COL5A1: variants seen among roughly 807,000 people sequenced by gnomAD.
COL5A1 encodes collagen alpha-1(V) chain.
COL5A1 carries 16 observed loss-of-function variants against 263.7 expected under a neutral mutation model. The ratio of observed to expected loss-of-function variants is 0.06; its 90% CI spans 0.04 to 0.09. COL5A1 has a LOEUF of 0.09. COL5A1 is among the 10% of genes least tolerant of loss of function. The pLI, the probability that COL5A1 is intolerant of heterozygous loss-of-function variation, is 1.00. For missense variants in COL5A1, 2,036 were observed against 2,540.5 expected, an observed-to-expected ratio of 0.80 and a Z score of 4.27; for synonymous variants, 1,012 against 1,004.5, an observed-to-expected ratio of 1.01 and a Z score of -0.14.
At position 134,754,662 on chromosome 9, in the gene COL5A1, G is replaced by A. The variant is rs1430038409; in HGVS notation, c.1827+336G>A. Among the ~76,000 whole-genome samples the A allele has an allele frequency of 6.6e-6, 1 of 152,226 alleles. No homozygotes were observed. Among genetic ancestry groups the A allele is most frequent in the Non-Finnish European group, 1.5e-5 (1 of 68,040 alleles). ...CAGCGGGCCTTATATATTTCGGGCA[G>A]CACTGGGACTCCAGAAATGGCCTGA... On this transcript the variant is annotated intron_variant, in intron 16 of 65. Transcript: ENST00000371817. This position sits in a 1 kb window ranked among gnomAD's most constrained non-coding sequence, Gnocchi z 4.3.
chr9:134,734,182 G>T (rs1017316631), intron 9 of COL5A1, among the ~76,000 whole-genome samples: 2 of 152,192 alleles, frequency 1.3e-5, no homozygotes, highest in African/African-American at 4.8e-5. Context: ...GTGGGCAAGG[G>T]TGGGCCAAGG....
intron 9 of COL5A1, chr9:134,732,421 G>A (rs893946299): frequency 7.1e-6 from 4 of 564,408 alleles, no homozygotes; most frequent in African/African-American, 3.8e-5. Flanking sequence ...TTTCACCTGG[G>A]ATGAAAAGCA....
At chr9:134,749,767 C>T (rs912393662) in intron 11 of COL5A1, among the ~76,000 whole-genome samples, 5 of 152,222 alleles carry the variant, frequency 3.3e-5, no homozygotes, top group African/African-American at 1.2e-4. Context: ...CAAGACAAGC[C>T]TCATCTACTT....
At chr9:134,836,893 G>A (rs575425044) in intron 65 of COL5A1, among the ~76,000 whole-genome samples, 3 of 152,356 alleles carry the variant, frequency 2.0e-5, no homozygotes, top group African/African-American at 7.2e-5. Context: ...GTTGGGGTCA[G>A]TACTTCGGAT....
At chr9:134,735,241 G>C (rs375749789) in intron 9 of COL5A1, among the ~76,000 whole-genome samples, 13 of 151,562 alleles carry the variant, frequency 8.6e-5, no homozygotes, top group African/African-American at 3.2e-4. Flanking sequence ...TGCATTGAAG[G>C]TGTGCAGCAT....
At chr9:134,732,232 C>A in intron 9 of COL5A1, 105 bp downstream of exon 9, 2 of 1,194,100 alleles carry the variant, frequency 1.7e-6, no homozygotes, top group Non-Finnish European at 2.5e-6. Flanking sequence ...TGCACCTGCG[C>A]GCACTGGGTC....
chr9:134,826,024 G>A (rs1459727789), intron 63 of COL5A1, 120 bp downstream of exon 63: 1 of 609,574 alleles, frequency 1.6e-6, no homozygotes, highest in Non-Finnish European at 3.0e-6. Flanking sequence ...AAATGAATCC[G>A]TTTCATCAGT....
At chr9:134,744,955 G>A (rs570464082) in intron 11 of COL5A1, among the ~76,000 whole-genome samples, 69 of 152,382 alleles carry the variant, frequency 4.5e-4, no homozygotes, top group Non-Finnish European at 7.5e-4. Context: ...GCACGCGTGC[G>A]CTGTCTGGGT....
intron 25 of COL5A1, 150 bp from the exon 26 acceptor site, chr9:134,772,640 C>G (rs1836901591): frequency 1.1e-6 from 1 of 902,980 alleles, no homozygotes; most frequent in South Asian, 1.3e-5. Context: ...GGCTGCCTGG[C>G]CAGCTGCCTT....
chr9:134,722,995 C>T (rs1834518253), intron 4 of COL5A1, among the ~76,000 whole-genome samples: 1 of 152,218 alleles, frequency 6.6e-6, no homozygotes, highest in Non-Finnish European at 1.5e-5. Context: ...CCCCAGTTTA[C>T]TGTGATGGGG....
intron 11 of COL5A1, among the ~76,000 whole-genome samples, chr9:134,748,672 C>T (rs1260630717): frequency 1.3e-5 from 2 of 152,314 alleles, no homozygotes; most frequent in East Asian, 1.9e-4. Context: ...GGGCAGTATC[C>T]ATTAGCAATT....
rs1417558730 is a variant in COL5A1 at position 134,730,323 on chromosome 9, T to C, written c.1012T>C (p.Tyr338His). The change falls in exon 7 of 66, where the codon TAT (tyrosine) becomes CAT (histidine). Residue 338 changes from tyrosine (Y) to histidine (H), a missense_variant. By Grantham distance (83) the Tyr-to-His change is moderately conservative. Around this residue, in one of 3 missense-constraint regions of COL5A1, gnomAD observed 600 missense variants for 634.5 expected, o/e 0.95. Transcript: ENST00000371817. ...GGAAGAGGACGTCGGCATCGGGGAC[T>C]ATGACTACGTGCCCAGTGAGGACTA... ...GKEEDVGIGDYDYVPSEDYYT... is the reference protein window; with the variant it reads ...GKEEDVGIGDHDYVPSEDYYT... The C allele has an allele frequency of 6.2e-7, 1 of 1,614,248 alleles. No homozygotes were observed. Among genetic ancestry groups the C allele is most frequent in the East Asian group, 2.2e-5 (1 of 44,884 alleles).
chr9:134,753,912 G>A lies in COL5A1; in HGVS notation c.1773+9G>A, dbSNP rs752178350. On this transcript the variant is annotated intron_variant, in intron 15 of 65. Transcript: ENST00000371817. Reference sequence around the variant, plus strand: ...GAGACGTGGGGCCTCAGGTATGTGGGATCCTTGCCTTCGCTGTCTGGTGGG... The same window carrying A: ...GAGACGTGGGGCCTCAGGTATGTGGAATCCTTGCCTTCGCTGTCTGGTGGG... 1.7e-5 allele frequency: 27 copies of A among 1,613,162 alleles called. No individual in the cohort carries two copies. Among genetic ancestry groups the A allele is most frequent in the Non-Finnish European group, 2.2e-5 (26 of 1,179,280 alleles).
chr9:134,763,200 T>G (rs74746968), intron 19 of COL5A1, among the ~76,000 whole-genome samples: 1,945 of 152,230 alleles, frequency 0.013, 18 homozygotes, highest in Non-Finnish European at 0.018. Flanking sequence ...GGGACAGTGT[T>G]TGCAAACAGC....
Position 134,830,296 on chromosome 9 carries a change from C to G in COL5A1, c.5136+252C>G, listed in dbSNP as rs1228736392. The G allele has an allele frequency of 1.4e-5, 14 of 1,009,594 alleles. No individual in the cohort carries two copies. In the South Asian group the frequency reaches 1.5e-4, roughly 11 times the overall value. 62.5% of individuals were successfully genotyped at this position (1,009,594 alleles called of 1,614,324 possible). On this transcript the variant is annotated intron_variant, in intron 64 of 65. Transcript: ENST00000371817. ...CCACACCGCTCTTGCCAAACCGCTC[C>G]ACATCACGTGACAGCAAGACTCAGC...
intron 1 of COL5A1, among the ~76,000 whole-genome samples, chr9:134,654,186 G>C (rs1484999749): frequency 7.0e-6 from 1 of 142,466 alleles, no homozygotes; most frequent in Non-Finnish European, 1.5e-5. Context: ...AGGGCTGGAG[G>C]TGTGTAGGGC....
chr9:134,768,685 A>G (rs1384968678), intron 25 of COL5A1, among the ~76,000 whole-genome samples: 3 of 152,190 alleles, frequency 2.0e-5, no homozygotes, highest in Non-Finnish European at 2.9e-5. Context: ...CGATTGCGCG[A>G]GTAGGAATAT....
intron 9 of COL5A1, among the ~76,000 whole-genome samples, chr9:134,732,923 C>T (rs1199820121): frequency 2.6e-5 from 4 of 152,180 alleles, no homozygotes; most frequent in Admixed American, 6.5e-5. Flanking sequence ...CCCGCCCCGC[C>T]GCCGGCAGGC....
chr9:134,672,994 CATAGATAAATCAACGA>C (rs1832581999), intron 1 of COL5A1, among the ~76,000 whole-genome samples: 1 of 152,100 alleles, frequency 6.6e-6, no homozygotes, highest in Admixed American at 6.6e-5. Flanking sequence ...CAAAATATTG[CATAGATAAATCAACGA>C]AGATCTTAAG....
Sources: allele counts gnomAD v4.1 joint callset (sites outside exome capture counted in the v4.1 genomes callset), GRCh38; gene constraint gnomAD v4.1.1; regional missense constraint gnomAD v4.1.1; non-coding constraint Gnocchi (gnomAD v3.1); transcripts MANE v1.5; gene names NCBI Gene and HGNC (gene_info 2026-07-23, HGNC 2026-07-21).